Variants in SKOR2 observed in about 807,000 individuals in gnomAD.
SKOR2 encodes the protein LBX1 corepressor 1-like protein.
SKOR2 carries 47 observed loss-of-function variants against 69.1 expected under a neutral mutation model. That is an observed-to-expected ratio of 0.68 (90% CI 0.54 to 0.87). The LOEUF (loss-of-function observed/expected upper bound fraction) is 0.87. Ranked by LOEUF, SKOR2 falls within the 40% of genes least tolerant of loss-of-function variation. SKOR2 has a pLI of 0.00. For synonymous variants in SKOR2, 717 were observed against 672.6 expected (o/e 1.07, Z -1.02); for missense variants, 1,404 against 1,472.2 (o/e 0.95, Z 0.76).
rs1359854486 is a variant in SKOR2, at chr18:47,247,516, C to T, written c.1668G>A (p.Ala556=). Residue 556 remains alanine (A), a synonymous_variant, in exon 2 of 9, where the codon GCG becomes GCA. Transcript: ENST00000425639. The surrounding 1 kb of genome is among the most constrained non-coding windows in gnomAD (Gnocchi z 6.6). Reference sequence around the variant, plus strand: ...TGCCGCCCGGGGGCGACTCGAAGAGCGCGTCGCGAGAGCCGGCGCCCCCGG... The same window carrying T: ...TGCCGCCCGGGGGCGACTCGAAGAGTGCGTCGCGAGAGCCGGCGCCCCCGG... ...PPAGGAGSRD[A]LFESPPGGSG... is the part of the protein sequence containing the mutation. The T allele has an allele frequency of 1.7e-6, 2 of 1,211,618 alleles. No homozygotes were observed. The highest frequency in any genetic ancestry group is 6.8e-5 in the East Asian group (2 of 29,318). The allele number at this position is 1,211,618 out of a possible 1,614,324, so 75.1% of individuals were successfully genotyped here.
At chr18:47,235,947 G>A (rs1042280878) in intron 4 of SKOR2, among the ~76,000 whole-genome samples, 1 of 152,100 alleles carries the variant, frequency 6.6e-6, no homozygotes, top group African/African-American at 2.4e-5. Flanking sequence ...TCCCCACAAA[G>A]TCTCTAGGTT....
chr18:47,248,399 G>T lies in SKOR2; in HGVS notation c.785C>A (p.Ala262Asp). 13 of 1,376,414 alleles carry T rather than the reference G, an allele frequency of 9.4e-6. No individual in the cohort carries two copies. Among genetic ancestry groups the T allele is most frequent in the Non-Finnish European group, 1.2e-5 (13 of 1,075,750 alleles). The allele number at this position is 1,376,414 out of a possible 1,614,324, so 85.3% of individuals were successfully genotyped here. Reference sequence around the variant, plus strand: ...CACCGCGGCCGCGGCGGCCACGGCGGCCGCCTTCACAGAGCTGAGCGGGTG... The same window carrying T: ...CACCGCGGCCGCGGCGGCCACGGCGTCCGCCTTCACAGAGCTGAGCGGGTG... Reference protein sequence around the residue: ...ACHPLSSVKAAAVAAAAAVAG... With the variant: ...ACHPLSSVKADAVAAAAAVAG... Residue 262 changes from alanine (A) to aspartate (D), a missense_variant, in exon 2 of 9, where the codon GCC becomes GAC. By Grantham distance (126) the Ala-to-Asp change is moderately radical. Around this residue, in one of 3 missense-constraint regions of SKOR2, gnomAD observed 1,266 missense variants for 1,309.9 expected, o/e 0.97. Coordinates refer to ENST00000425639, the MANE Select transcript of SKOR2 (RefSeq NM_001278063.4). The surrounding 1 kb of genome is among the most constrained non-coding windows in gnomAD (Gnocchi z 6.4).
At chr18:47,242,191 A>G (rs2064252173) in intron 4 of SKOR2, among the ~76,000 whole-genome samples, 1 of 152,204 alleles carries the variant, frequency 6.6e-6, no homozygotes, top group African/African-American at 2.4e-5. Context: ...TCTTAAAGCC[A>G]GGAATTTGTT....
At chr18:47,220,109 C>A in intron 6 of SKOR2, 99 bp from the exon 7 acceptor site, 2 of 965,230 alleles carry the variant, frequency 2.1e-6, no homozygotes, top group Non-Finnish European at 3.0e-6. Context: ...GGACAGCCCC[C>A]CTACTTTTAA....
At chr18:47,218,182 A>C (rs745905221) in intron 7 of SKOR2, among the ~76,000 whole-genome samples, 1 of 152,202 alleles carries the variant, frequency 6.6e-6, no homozygotes, top group Non-Finnish European at 1.5e-5. Flanking sequence ...AAATAAGGGC[A>C]CTAAAAGAAA....
rs191742383 is a variant in SKOR2, at chr18:47,227,950, T to C, written c.2917+2509A>G. On this transcript the variant is annotated intron_variant, in intron 6 of 8. Transcript: ENST00000425639. ...TACAGCTCCTAGCCTAGGTCCACAGTGCTCTAAGTGAACTGGATTTTAAGT... is the reference window on the plus strand; with the variant it reads ...TACAGCTCCTAGCCTAGGTCCACAGCGCTCTAAGTGAACTGGATTTTAAGT... Among the ~76,000 whole-genome samples, 276 of 152,346 alleles carry C rather than the reference T, an allele frequency of 1.8e-3. 1 individual carries two copies. The highest frequency in any genetic ancestry group is 3.1e-3 in the Non-Finnish European group (211 of 68,034).
At position 47,249,952 on chromosome 18, in the gene SKOR2, G is replaced by T. The variant is rs534875978; in HGVS notation, c.-47-722C>A. ...CTACTTGCTGAACTGAGTGGTTCTG[G>T]TCTCAGATGGTTAGGTAGCTTAAAA... On this transcript the variant is annotated intron_variant, in intron 1 of 8. Coordinates refer to ENST00000425639, the MANE Select transcript of SKOR2 (RefSeq NM_001278063.4). Among the ~76,000 whole-genome samples, 11 of 152,284 alleles carry T rather than the reference G, an allele frequency of 7.2e-5. No homozygotes were observed. The South Asian group carries it at 2.3e-3, about 32-fold the overall frequency.
In SKOR2 at chr18:47,247,592, T is replaced by C; in HGVS notation, c.1592A>G (p.Gln531Arg). 7.9e-7 allele frequency: 1 copy of C among 1,262,192 alleles called. No individual in the cohort carries two copies. Among genetic ancestry groups the C allele is most frequent in the Non-Finnish European group, 9.9e-7 (1 of 1,006,528 alleles). 78.2% of individuals were successfully genotyped at this position (1,262,192 alleles called of 1,614,324 possible). A position where few individuals can be genotyped will look rare whatever the true frequency, so the allele number is the denominator to read the frequency against. Residue 531 changes from glutamine (Q) to arginine (R), a missense_variant, in exon 2 of 9, where the codon CAG (glutamine) becomes CGG (arginine). Coordinates refer to ENST00000425639, the MANE Select transcript of SKOR2 (RefSeq NM_001278063.4). This position sits in a 1 kb window ranked among gnomAD's most constrained non-coding sequence, Gnocchi z 6.6. ...GCCGTTGGCCACTACCTGCGGGGGC[T>C]GCCCCGGCGGGGGCGCGGCCTCGGC... ...GSAEAAPPPGQPPQVVANGPG... is the reference protein window; with the variant it reads ...GSAEAAPPPGRPPQVVANGPG...
chr18:47,216,960 T>C (rs1254315465), intron 7 of SKOR2, among the ~76,000 whole-genome samples: 1 of 152,250 alleles, frequency 6.6e-6, no homozygotes, highest in African/African-American at 2.4e-5. Flanking sequence ...GTAATTGTGA[T>C]ATTTTACAAT....
chr18:47,234,342 T>C (rs528327923), intron 4 of SKOR2: 5 of 152,262 alleles, frequency 3.3e-5, no homozygotes, highest in South Asian at 4.2e-4. Context: ...TTCCTTCAGG[T>C]TGGCTACATT....
chr18:47,213,058 C>T (rs866849969), intron 7 of SKOR2, among the ~76,000 whole-genome samples: 5 of 152,170 alleles, frequency 3.3e-5, no homozygotes, highest in Middle Eastern at 6.8e-3. Context: ...AAAGTACTTT[C>T]GAATACTGGG....
At chr18:47,224,457 T>C (rs976301345) in intron 6 of SKOR2, among the ~76,000 whole-genome samples, 3 of 152,146 alleles carry the variant, frequency 2.0e-5, no homozygotes, top group African/African-American at 7.2e-5. Flanking sequence ...AAAAAGTATC[T>C]AGCCTACATT....
intron 8 of SKOR2, among the ~76,000 whole-genome samples, chr18:47,208,462 C>T (rs1047631694): frequency 2.6e-5 from 4 of 152,164 alleles, no homozygotes; most frequent in Non-Finnish European, 5.9e-5. Context: ...TTCCCTGATT[C>T]GCTTCCTACT....
chr18:47,248,078 C>T lies in SKOR2; in HGVS notation c.1106G>A (p.Gly369Asp). The change falls in exon 2 of 9, where the codon GGT becomes GAT. Residue 369 changes from glycine (G) to aspartate (D), a missense_variant. Around this residue, in one of 3 missense-constraint regions of SKOR2, gnomAD observed 1,266 missense variants for 1,309.9 expected, o/e 0.97. Transcript: ENST00000425639. The surrounding 1 kb of genome is among the most constrained non-coding windows in gnomAD (Gnocchi z 6.4). ...CGGGCCTTTGGCCCCTGCCCCGGCA[C>T]CCGCCCCCGCGCCCGCGCCCACGCC... is the stretch of plus-strand genomic sequence containing the variant. ...GVGVGAGAGAGAGAGAKGPRS... is the reference protein window; with the variant it reads ...GVGVGAGAGADAGAGAKGPRS... 5 of 1,390,982 alleles carry T rather than the reference C, an allele frequency of 3.6e-6. No homozygotes were observed. Among genetic ancestry groups the T allele is most frequent in the South Asian group, 1.6e-5 (1 of 63,528 alleles). The allele number at this position is 1,390,982 out of a possible 1,614,324, so 86.2% of individuals were successfully genotyped here.
chr18:47,211,708 G>C (rs899629082), intron 8 of SKOR2, among the ~76,000 whole-genome samples: 6 of 152,148 alleles, frequency 3.9e-5, no homozygotes, highest in Non-Finnish European at 5.9e-5. Context: ...TTTCAGGCAG[G>C]CTTTTTGGAA....
At chr18:47,211,496 G>T (rs2064127769) in intron 8 of SKOR2, among the ~76,000 whole-genome samples, 1 of 152,158 alleles carries the variant, frequency 6.6e-6, no homozygotes, top group African/African-American at 2.4e-5. Context: ...TTCACTGTCT[G>T]CTTTTCCTTA....
chr18:47,220,778 T>A (rs76281269), intron 6 of SKOR2, among the ~76,000 whole-genome samples: 8,271 of 152,300 alleles, frequency 0.054, 490 homozygotes, highest in African/African-American at 0.14. Flanking sequence ...TGGCTAACTT[T>A]GCCTTTTTCT....
rs2064296876 is a variant in SKOR2 at position 47,248,660 on chromosome 18, CTGCATTTGA to C, written c.515_523del (p.Ile172_Cys174del). On this transcript the variant is annotated inframe_deletion, in exon 2 of 9. Transcript: ENST00000425639. This position sits in a 1 kb window ranked among gnomAD's most constrained non-coding sequence, Gnocchi z 6.4. ...GGGCGAGAAGTACATGTTGCAGTAG[CTGCATTTGA>C]TGCACTTGGCGCGCGAGCTGTTGTA... The C allele has an allele frequency of 6.4e-7, 1 of 1,566,726 alleles. No homozygotes were observed.
chr18:47,245,030 G>A, intron 3 of SKOR2, 48 bp from the exon 4 acceptor site: 2 of 1,488,686 alleles, frequency 1.3e-6, no homozygotes, highest in South Asian at 1.3e-5. Flanking sequence ...CAACTGACAA[G>A]AGGCACACAA....
Sources: gnomAD v4.1 joint callset for allele counts (sites outside exome capture counted in the v4.1 genomes callset) on GRCh38, gnomAD v4.1.1 for gene constraint, gnomAD v4.1.1 regional missense constraint, Gnocchi (gnomAD v3.1) non-coding constraint, MANE v1.5 for transcripts, NCBI Gene and HGNC (gene_info 2026-07-23, HGNC 2026-07-21) for gene names.